The following GPC6 variants were observed in gnomAD, a reference collection of about 807,000 sequenced individuals.
GPC6 encodes glypican-6.
In GPC6, 14 loss-of-function variants were observed where a neutral mutation model predicts 55.2. The observed-to-expected ratio is 0.25, with a 90% CI of 0.17 to 0.40. The LOEUF (loss-of-function observed/expected upper bound fraction) is 0.40. Among genes scored for constraint, GPC6 ranks in the 10% least tolerant of loss-of-function variants. The probability of loss-of-function intolerance (pLI) is 1.00; values close to 1 mark genes in which losing one functional copy is unlikely to be tolerated. For missense variants in GPC6, 641 were observed against 708.5 expected (o/e 0.90, Z 1.08); for synonymous variants, 278 against 259.6 (o/e 1.07, Z -0.68).
At chr13:94,402,270 T>G (rs1881170282) in intron 8 of GPC6, among the ~76,000 whole-genome samples, 1 of 152,212 alleles carries the variant, frequency 6.6e-6, no homozygotes, top group African/African-American at 2.4e-5. Context: ...GCATGGTATC[T>G]TCCTAGAGCA....
rs934006431 is a variant in GPC6 at position 93,420,761 on chromosome 13, G to A, written c.161-124502G>A. Among the ~76,000 whole-genome samples, 13 of 152,138 alleles carry A rather than the reference G, an allele frequency of 8.5e-5. 1 individual carries two copies. In the South Asian group the frequency reaches 2.5e-3, roughly 29 times the overall value. ...TTGTCCAGTCAACAAAAATTCACTG[G>A]AGTCCCACCATATGCCAAGGAACTG... On this transcript the variant is annotated intron_variant, in intron 1 of 8. Transcript: ENST00000377047.
chr13:94,296,994 G>C (rs528207325), intron 5 of GPC6, among the ~76,000 whole-genome samples: 1 of 152,024 alleles, frequency 6.6e-6, no homozygotes, highest in African/African-American at 2.4e-5. Context: ...TTAATAATGT[G>C]TTTATTATTA....
At chr13:94,151,616 A>G (rs1157533794) in intron 4 of GPC6, among the ~76,000 whole-genome samples, 1 of 152,174 alleles carries the variant, frequency 6.6e-6, no homozygotes, top group Non-Finnish European at 1.5e-5. Flanking sequence ...ACTGCAAGTC[A>G]TGGAAACTAT....
At chr13:93,807,577 G>C (rs1264110080) in intron 2 of GPC6, among the ~76,000 whole-genome samples, 1 of 152,152 alleles carries the variant, frequency 6.6e-6, no homozygotes, top group East Asian at 1.9e-4. Context: ...ATTCCAACAA[G>C]TTTCCGGTTG....
At chr13:93,798,786 G>T (rs947193248) in intron 2 of GPC6, among the ~76,000 whole-genome samples, 2 of 151,868 alleles carry the variant, frequency 1.3e-5, no homozygotes, top group Admixed American at 6.6e-5. Context: ...GGGCATGGTG[G>T]TGTGTGCCTG....
intron 2 of GPC6, among the ~76,000 whole-genome samples, chr13:93,697,909 G>T (rs1286741856): frequency 6.6e-6 from 1 of 152,084 alleles, no homozygotes. Context: ...TGATTATCAT[G>T]TGCTGCTTTT....
At chr13:93,726,100 T>G (rs1038760289) in intron 2 of GPC6, among the ~76,000 whole-genome samples, 1 of 93,630 alleles carries the variant, frequency 1.1e-5, no homozygotes. Flanking sequence ...ACTTTTTCCT[T>G]CATACACACA....
intron 1 of GPC6, among the ~76,000 whole-genome samples, chr13:93,381,981 G>A (rs12865188): frequency 0.19 from 29,511 of 151,902 alleles, 3,435 homozygotes; most frequent in East Asian, 0.53. Context: ...AGTTTTAGGA[G>A]AACAAAAGCC....
chr13:93,623,607 C>T (rs12322971), intron 2 of GPC6, among the ~76,000 whole-genome samples: 3,188 of 151,790 alleles, frequency 0.021, 109 homozygotes, highest in African/African-American at 0.072. Context: ...TACAGGCACC[C>T]GCCACCACTT....
Position 94,117,499 on chromosome 13 carries a change from C to T in GPC6, c.877+89605C>T, listed in dbSNP as rs187623091. Reference sequence around the variant, plus strand: ...AATATAGGGCTTAGAGAACAATTACCTAAATCACACATGCTCATAAAGAAT... The same window carrying T: ...AATATAGGGCTTAGAGAACAATTACTTAAATCACACATGCTCATAAAGAAT... On this transcript the variant is annotated intron_variant, in intron 4 of 8. Coordinates refer to ENST00000377047, the MANE Select transcript of GPC6 (RefSeq NM_005708.5). Among the ~76,000 whole-genome samples the T allele has an allele frequency of 6.0e-4, 91 of 152,138 alleles. 1 individual carries two copies. The highest frequency in any genetic ancestry group is 2.9e-3 in the Admixed American group (44 of 15,252).
At chr13:93,601,111 G>A (rs2139524092) in intron 2 of GPC6, among the ~76,000 whole-genome samples, 1 of 151,908 alleles carries the variant, frequency 6.6e-6, no homozygotes, top group South Asian at 2.1e-4. Flanking sequence ...AAACATGTTG[G>A]GGAGTGGTGG....
intron 3 of GPC6, among the ~76,000 whole-genome samples, chr13:93,920,946 T>G (rs1277469590): frequency 6.6e-6 from 1 of 152,190 alleles, no homozygotes; most frequent in Non-Finnish European, 1.5e-5. Flanking sequence ...AAGACTCTTG[T>G]GGTCTTTAAT....
chr13:93,797,070 A>C (rs1886218230), intron 2 of GPC6, among the ~76,000 whole-genome samples: 1 of 152,266 alleles, frequency 6.6e-6, no homozygotes, highest in Non-Finnish European at 1.5e-5. Flanking sequence ...GTAGCCTAAC[A>C]CTAGAAAAGA....
chr13:93,522,538 T>C (rs963789714), intron 1 of GPC6, among the ~76,000 whole-genome samples: 3 of 151,950 alleles, frequency 2.0e-5, no homozygotes, highest in Non-Finnish European at 4.4e-5. Flanking sequence ...TTTAACAATA[T>C]TCCCTTTATG....
At chr13:93,899,107 G>A (rs923192286) in intron 3 of GPC6, among the ~76,000 whole-genome samples, 2 of 151,558 alleles carry the variant, frequency 1.3e-5, no homozygotes, top group Non-Finnish European at 2.9e-5. Flanking sequence ...TGACTTCTGG[G>A]CAACCACTCA....
At chr13:93,733,767 C>G (rs377452709) in intron 2 of GPC6, among the ~76,000 whole-genome samples, 3 of 152,060 alleles carry the variant, frequency 2.0e-5, no homozygotes, top group Non-Finnish European at 2.9e-5. Flanking sequence ...CAGAAACACA[C>G]GAGGACGATG....
intron 1 of GPC6, among the ~76,000 whole-genome samples, chr13:93,424,487 A>G (rs1877046514): frequency 6.6e-6 from 1 of 152,072 alleles, no homozygotes; most frequent in African/African-American, 2.4e-5. Flanking sequence ...GGGGATCTGA[A>G]TGTCCCACCA....
At chr13:93,592,866 T>C (rs2139510820) in intron 2 of GPC6, among the ~76,000 whole-genome samples, 1 of 152,214 alleles carries the variant, frequency 6.6e-6, no homozygotes, top group African/African-American at 2.4e-5. Context: ...AAATACCTCC[T>C]ACGAAATGCT....
chr13:93,984,896 T>C (rs1377672975), intron 3 of GPC6, among the ~76,000 whole-genome samples: 1 of 152,198 alleles, frequency 6.6e-6, no homozygotes, highest in East Asian at 1.9e-4. Context: ...TGAATAATTA[T>C]ATATAGTTTA....
Sources: gnomAD v4.1 joint callset for allele counts (sites outside exome capture counted in the v4.1 genomes callset) on GRCh38, gnomAD v4.1.1 for gene constraint, MANE v1.5 for transcripts, NCBI Gene and HGNC (gene_info 2026-07-23, HGNC 2026-07-21) for gene names.